The following ATG10 variants were observed in gnomAD, a reference collection of about 807,000 sequenced individuals.
ATG10 encodes autophagy related 10.
Under a neutral mutation model 32.1 loss-of-function variants are expected in ATG10, and 30 were observed. That is an observed-to-expected ratio of 0.94 (90% confidence interval 0.70 to 1.27). ATG10 has a LOEUF of 1.27. Ranked by LOEUF, ATG10 falls within the 50% of genes most tolerant of loss-of-function variation. The pLI, the probability that ATG10 is intolerant of heterozygous loss-of-function variation, is 0.00. For missense variants in ATG10, 233 were observed against 262.3 expected, an observed-to-expected ratio of 0.89 and a Z score of 0.77; for synonymous variants, 87 against 91.5, an observed-to-expected ratio of 0.95 and a Z score of 0.28.
chr5:82,085,426 G>C (rs1764648046), intron 3 of ATG10, among the ~76,000 whole-genome samples: 1 of 144,756 alleles, frequency 6.9e-6, no homozygotes, highest in Admixed American at 7.1e-5. Flanking sequence ...AGATCAATGA[G>C]ACAGAAAGTC....
rs187143763 is a variant in ATG10, at chr5:82,016,556, A to G, written c.108+28878A>G. ...CTTTCTGTTTAGTCTTGCTTTAGCT[A>G]TGTAGGCTCTTTTTTGGTTCCATAT... On this transcript the variant is annotated intron_variant, in intron 2 of 7. Transcript: ENST00000282185. Among the ~76,000 whole-genome samples the G allele has an allele frequency of 5.8e-4, 89 of 152,226 alleles. 1 individual carries two copies. Among genetic ancestry groups the G allele is most frequent in the Non-Finnish European group, 1.8e-4 (12 of 68,018 alleles).
intron 2 of ATG10, among the ~76,000 whole-genome samples, chr5:82,025,408 T>A (rs1389222256): frequency 6.6e-6 from 1 of 152,178 alleles, no homozygotes; most frequent in East Asian, 1.9e-4. Context: ...TGGGGTGTGC[T>A]AGAAGGGAAA....
At chr5:82,060,089 T>A (rs1763718817) in intron 3 of ATG10, among the ~76,000 whole-genome samples, 2 of 152,208 alleles carry the variant, frequency 1.3e-5, no homozygotes, top group Admixed American at 1.3e-4. Flanking sequence ...TGGTTGATGT[T>A]TTAACTTCAC....
intron 5 of ATG10, among the ~76,000 whole-genome samples, chr5:82,233,619 T>C (rs1581833634): frequency 6.6e-6 from 1 of 152,210 alleles, no homozygotes. Context: ...CTAAGTTAAA[T>C]GAACCAGTGC....
intron 5 of ATG10, among the ~76,000 whole-genome samples, chr5:82,240,684 G>T (rs1026668112): frequency 3.9e-5 from 6 of 152,176 alleles, no homozygotes; most frequent in Non-Finnish European, 7.4e-5. Context: ...ATAAAGAAAT[G>T]ATAAAGGTTT....
At chr5:82,203,940 G>A (rs1296047852) in intron 5 of ATG10, among the ~76,000 whole-genome samples, 1 of 152,176 alleles carries the variant, frequency 6.6e-6, no homozygotes, top group Non-Finnish European at 1.5e-5. Flanking sequence ...GAGCACCTAT[G>A]AGGTACTCAA....
intron 2 of ATG10, chr5:82,010,078 C>T (rs1368376088): frequency 2.6e-5 from 42 of 1,608,818 alleles, no homozygotes; most frequent in Middle Eastern, 1.6e-4. Context: ...TCGAAGAACA[C>T]GGTGGGGTTG....
At chr5:82,077,593 A>G (rs1201866689) in intron 3 of ATG10, among the ~76,000 whole-genome samples, 2 of 152,084 alleles carry the variant, frequency 1.3e-5, no homozygotes, top group African/African-American at 2.4e-5. Flanking sequence ...TCAGAACTCA[A>G]CTGCTTCTAT....
At chr5:82,094,779 A>G (rs1292300089) in intron 3 of ATG10, among the ~76,000 whole-genome samples, 1 of 152,168 alleles carries the variant, frequency 6.6e-6, no homozygotes, top group Non-Finnish European at 1.5e-5. Context: ...GTTGTTAAAT[A>G]TATGCATGCA....
intron 3 of ATG10, among the ~76,000 whole-genome samples, chr5:82,116,223 A>T (rs988230688): frequency 3.3e-5 from 5 of 152,070 alleles, no homozygotes; most frequent in Non-Finnish European, 7.4e-5. Flanking sequence ...TTGCATTTCC[A>T]TATAGTAGTT....
At chr5:82,240,161 A>G (rs1480096960) in intron 5 of ATG10, among the ~76,000 whole-genome samples, 1 of 152,228 alleles carries the variant, frequency 6.6e-6, no homozygotes. Context: ...CAGCAATTCT[A>G]TTGCTGGGTA....
chr5:82,105,601 C>T (rs889253364), intron 3 of ATG10, among the ~76,000 whole-genome samples: 1 of 152,066 alleles, frequency 6.6e-6, no homozygotes, highest in South Asian at 2.1e-4. Context: ...AACAGAAGCT[C>T]AGCATTTTAG....
At chr5:82,216,634 A>G (rs926515819) in intron 5 of ATG10, among the ~76,000 whole-genome samples, 1 of 152,260 alleles carries the variant, frequency 6.6e-6, no homozygotes. Flanking sequence ...AGCCACTTCT[A>G]GATACTTGCC....
intron 3 of ATG10, among the ~76,000 whole-genome samples, chr5:82,079,388 T>C (rs1764392629): frequency 6.6e-6 from 1 of 152,016 alleles, no homozygotes; most frequent in Non-Finnish European, 1.5e-5. Context: ...TTTATATACT[T>C]TAAGTTCTAG....
At chr5:82,088,680 C>T (rs542334823) in intron 3 of ATG10, among the ~76,000 whole-genome samples, 5 of 152,112 alleles carry the variant, frequency 3.3e-5, no homozygotes, top group Non-Finnish European at 7.4e-5. Context: ...AGAAAGTAAT[C>T]GTAATTATAA....
rs1317226040 is a variant in ATG10 at position 82,014,344 on chromosome 5, TC to T, written c.108+26668del. Among the ~76,000 whole-genome samples the T allele has an allele frequency of 3.9e-5, 6 of 152,196 alleles. No individual in the cohort carries two copies. The South Asian group carries it at 1.2e-3, about 32-fold the overall frequency. On this transcript the variant is annotated intron_variant, in intron 2 of 7. Transcript: ENST00000282185. ...GAGAGTTCTGTAGATGTCTATTAGG[TC>T]CACTTGGTGCAGAGCTGAGTTCAAT...
intron 5 of ATG10, among the ~76,000 whole-genome samples, chr5:82,216,858 C>A (rs1024834879): frequency 6.6e-6 from 1 of 151,996 alleles, no homozygotes; most frequent in African/African-American, 2.4e-5. Context: ...AGTTCAAGAC[C>A]AGCCTGGACA....
chr5:81,987,880 C>G (rs1222889093), intron 2 of ATG10, among the ~76,000 whole-genome samples: 1 of 130,564 alleles, frequency 7.7e-6, no homozygotes, highest in African/African-American at 2.5e-5. Context: ...TATTATCAGG[C>G]TAATGAAGTA....
chr5:82,196,607 A>G (rs539843642), intron 5 of ATG10, among the ~76,000 whole-genome samples: 2 of 152,294 alleles, frequency 1.3e-5, no homozygotes, highest in East Asian at 3.9e-4. Context: ...ATGTACTAAT[A>G]AATATCCAGT....
Sources: gnomAD v4.1 joint callset for allele counts (sites outside exome capture counted in the v4.1 genomes callset) on GRCh38, gnomAD v4.1.1 for gene constraint, MANE v1.5 for transcripts, NCBI Gene and HGNC (gene_info 2026-07-23, HGNC 2026-07-21) for gene names.